The following KCNIP4 variants were observed in gnomAD, a reference collection of about 807,000 sequenced individuals.
KCNIP4 encodes potassium voltage-gated channel interacting protein 4.
In KCNIP4, 12 loss-of-function variants were observed where a neutral mutation model predicts 34.0. That is an observed-to-expected ratio of 0.35 (90% CI 0.23 to 0.57). The LOEUF (loss-of-function observed/expected upper bound fraction) is 0.57, where lower values mean the gene tolerates loss of function less well. Ranked by LOEUF, KCNIP4 falls within the 20% of genes least tolerant of loss-of-function variation. The pLI, the probability that KCNIP4 is intolerant of heterozygous loss-of-function variation, is 0.83. For synonymous variants in KCNIP4, 124 were observed against 102.2 expected (o/e 1.21, Z -1.29); for missense variants, 238 against 311.7 (o/e 0.76, Z 1.78).
At position 20,832,792 on chromosome 4, in the gene KCNIP4, A is replaced by G. The variant is rs142377574; in HGVS notation, c.288+17751T>C. Among the ~76,000 whole-genome samples the G allele has an allele frequency of 8.8e-3, 1,281 of 145,768 alleles. 25 individuals are homozygous for G. The highest frequency in any genetic ancestry group is 0.032 in the African/African-American group (1,232 of 38,884). On this transcript the variant is annotated intron_variant, in intron 3 of 8. Coordinates refer to ENST00000382152, the MANE Select transcript of KCNIP4 (RefSeq NM_025221.6). ...GGTGATGTTTTATCTCACTGTAAAC[A>G]TTTCTTTTTGCTAATCAAGGATCTT...
chr4:20,959,219 C>T (rs758395760), intron 1 of KCNIP4, among the ~76,000 whole-genome samples: 1 of 152,134 alleles, frequency 6.6e-6, no homozygotes, highest in Non-Finnish European at 1.5e-5. Flanking sequence ...CTCTTGGCCC[C>T]CTACTACAGG....
chr4:21,050,093 T>C (rs1164944584), intron 1 of KCNIP4, among the ~76,000 whole-genome samples: 1 of 152,204 alleles, frequency 6.6e-6, no homozygotes, highest in South Asian at 2.1e-4. Flanking sequence ...AGTTACCCAG[T>C]TGAGATAACC....
chr4:20,880,479 A>T (rs1724558485), intron 2 of KCNIP4, among the ~76,000 whole-genome samples: 1 of 151,680 alleles, frequency 6.6e-6, no homozygotes, highest in African/African-American at 2.4e-5. Flanking sequence ...AGTATTTTCT[A>T]TTTTTTTTCC....
intron 1 of KCNIP4, among the ~76,000 whole-genome samples, chr4:21,869,955 A>G (rs894105256): frequency 7.9e-5 from 12 of 152,174 alleles, no homozygotes; most frequent in Non-Finnish European, 1.6e-4. Context: ...AAATACCTGC[A>G]TATTCTGTCA....
intron 1 of KCNIP4, among the ~76,000 whole-genome samples, chr4:21,252,539 C>T (rs1760788409): frequency 6.6e-6 from 1 of 151,930 alleles, no homozygotes; most frequent in South Asian, 2.1e-4. Flanking sequence ...CATTCCACAC[C>T]ATCACCTAAG....
At chr4:20,862,799 C>T (rs1722344618) in intron 2 of KCNIP4, among the ~76,000 whole-genome samples, 1 of 152,084 alleles carries the variant, frequency 6.6e-6, no homozygotes, top group Non-Finnish European at 1.5e-5. Context: ...TAAAAAAGAA[C>T]AAGATTATAT....
intron 1 of KCNIP4, among the ~76,000 whole-genome samples, chr4:21,178,268 T>G (rs1214420215): frequency 6.6e-6 from 1 of 152,180 alleles, no homozygotes; most frequent in Non-Finnish European, 1.5e-5. Context: ...AGTTAGAAAA[T>G]ATGCTTGAAA....
intron 1 of KCNIP4, among the ~76,000 whole-genome samples, chr4:21,603,815 C>T (rs1743413172): frequency 6.6e-6 from 1 of 152,052 alleles, no homozygotes; most frequent in African/African-American, 2.4e-5. Flanking sequence ...ACTATAATAT[C>T]TGAAATTATA....
At chr4:21,740,482 G>GAT (rs1716319839) in intron 1 of KCNIP4, among the ~76,000 whole-genome samples, 1 of 151,650 alleles carries the variant, frequency 6.6e-6, no homozygotes, top group Admixed American at 6.6e-5. Flanking sequence ...GCCAGGAACT[G>GAT]ATATATATAG....
intron 1 of KCNIP4, among the ~76,000 whole-genome samples, chr4:21,244,253 A>AT (rs1171135122): frequency 6.6e-6 from 1 of 152,104 alleles, no homozygotes; most frequent in Non-Finnish European, 1.5e-5. Context: ...CAAACATTTC[A>AT]TTTTTCTTGC....
At chr4:21,318,662 G>A (rs1287313048) in intron 1 of KCNIP4, among the ~76,000 whole-genome samples, 1 of 151,798 alleles carries the variant, frequency 6.6e-6, no homozygotes, top group Non-Finnish European at 1.5e-5. Flanking sequence ...TAAAATCCTG[G>A]GTTTTTTTGC....
chr4:20,955,762 T>C (rs745902549), intron 1 of KCNIP4, among the ~76,000 whole-genome samples: 4 of 152,312 alleles, frequency 2.6e-5, no homozygotes, highest in Middle Eastern at 3.4e-3. Flanking sequence ...TCCAATTTCA[T>C]TTCATAGATC....
At chr4:21,181,219 C>T (rs535716066) in intron 1 of KCNIP4, among the ~76,000 whole-genome samples, 2 of 152,128 alleles carry the variant, frequency 1.3e-5, no homozygotes, top group South Asian at 2.1e-4. Flanking sequence ...TGAGAGGAAA[C>T]CAAGATAGGG....
At chr4:21,072,396 A>C (rs1745033840) in intron 1 of KCNIP4, among the ~76,000 whole-genome samples, 1 of 152,128 alleles carries the variant, frequency 6.6e-6, no homozygotes, top group Admixed American at 6.5e-5. Flanking sequence ...ATGGCCAGTG[A>C]TGATGAACAT....
chr4:20,804,692 A>G (rs11940825), intron 3 of KCNIP4, among the ~76,000 whole-genome samples: 73,589 of 151,910 alleles, frequency 0.48, 18,151 homozygotes, highest in East Asian at 0.7. Flanking sequence ...AGTACATACT[A>G]GGTTGCTAGT....
intron 1 of KCNIP4, among the ~76,000 whole-genome samples, chr4:21,886,226 T>C (rs1358261781): frequency 1.3e-5 from 2 of 152,128 alleles, no homozygotes; most frequent in Non-Finnish European, 2.9e-5. Context: ...AAAAGTTATG[T>C]TATAAACTGA....
At chr4:21,009,560 G>T (rs1738887656) in intron 1 of KCNIP4, among the ~76,000 whole-genome samples, 1 of 152,176 alleles carries the variant, frequency 6.6e-6, no homozygotes, top group Non-Finnish European at 1.5e-5. Context: ...TGATTTCCTT[G>T]ATGGGATATT....
At chr4:21,294,638 A>G (rs773703372) in intron 1 of KCNIP4, among the ~76,000 whole-genome samples, 1 of 152,298 alleles carries the variant, frequency 6.6e-6, no homozygotes, top group African/African-American at 2.4e-5. Context: ...CTAGAATATA[A>G]TGATCACTCT....
rs1727267743 is a variant in KCNIP4, at chr4:20,902,559, G to T, written c.62-19850C>A. On this transcript the variant is annotated intron_variant, in intron 1 of 8. Transcript: ENST00000382152. ...TTTGAGATGGAGTTTCACTCTTGTTGCCCAGGCTGGAGTGCAATGGCATAA... is the reference window on the plus strand; with the variant it reads ...TTTGAGATGGAGTTTCACTCTTGTTTCCCAGGCTGGAGTGCAATGGCATAA... Among the ~76,000 whole-genome samples, 3 of 152,096 alleles carry T rather than the reference G, an allele frequency of 2.0e-5. 1 individual carries two copies. The South Asian group carries it at 6.2e-4, about 32-fold the overall frequency.
Sources: allele counts gnomAD v4.1 joint callset (sites outside exome capture counted in the v4.1 genomes callset), GRCh38; gene constraint gnomAD v4.1.1; transcripts MANE v1.5; gene names NCBI Gene and HGNC (gene_info 2026-07-23, HGNC 2026-07-21).